The following PAH variants were observed in gnomAD, a reference collection of about 807,000 sequenced individuals.
The protein encoded by PAH is phenylalanine hydroxylase.
PAH carries 64 observed loss-of-function variants against 62.0 expected under a neutral mutation model. That is an observed-to-expected ratio of 1.03 (90% CI 0.84 to 1.27). The LOEUF is 1.27. Among genes scored for constraint, PAH ranks in the 50% most tolerant of loss-of-function variants. The probability of loss-of-function intolerance (pLI) is 0.00; values close to 1 mark genes in which losing one functional copy is unlikely to be tolerated. For missense variants in PAH, 579 were observed against 542.8 expected (o/e 1.07, Z -0.66); for synonymous variants, 195 against 196.2 (o/e 0.99, Z 0.05).
chr12:102,865,473 T>C lies in PAH; in HGVS notation c.509+1123A>G, dbSNP rs1219676049. 3.3e-5 allele frequency among the ~76,000 whole-genome samples: 5 copies of C among 152,188 alleles called. No individual in the cohort carries two copies. The East Asian group carries it at 7.7e-4, about 23-fold the overall frequency. ...ATTATTGAGGCTAAACAAAATGATATATACAAAGCATTCACCAAAGCCCCC... is the reference window on the plus strand; with the variant it reads ...ATTATTGAGGCTAAACAAAATGATACATACAAAGCATTCACCAAAGCCCCC... On this transcript the variant is annotated intron_variant, in intron 5 of 12. Coordinates refer to ENST00000553106, the MANE Select transcript of PAH (RefSeq NM_000277.3).
rs144876425 is a variant in PAH at position 102,867,953 on chromosome 12, A to C, written c.442-1290T>G. 6.2e-3 allele frequency among the ~76,000 whole-genome samples: 828 copies of C among 134,208 alleles called. 39 individuals carry two copies. Among genetic ancestry groups the C allele is most frequent in the African/African-American group, 0.023 (770 of 33,550 alleles). The allele number at this position is 134,208 out of a possible 152,430, so 88.0% of individuals were successfully genotyped here. A position where few individuals can be genotyped will look rare whatever the true frequency, so the allele number is the denominator to read the frequency against. On this transcript the variant is annotated intron_variant, in intron 4 of 12. Transcript: ENST00000553106. ...GATGTATATATACATGTATATACAT[A>C]TATAGATGTATATATACATGTATAT...
chr12:102,956,798 C>T (rs1389012170), intron 1 of PAH, among the ~76,000 whole-genome samples: 2 of 152,010 alleles, frequency 1.3e-5, no homozygotes, highest in Non-Finnish European at 2.9e-5. Context: ...ATACACCCAC[C>T]TACAGGACGG....
chr12:102,854,914 C>T (rs1875339090), intron 6 of PAH: 17 of 619,244 alleles, frequency 2.7e-5, no homozygotes, highest in Middle Eastern at 4.4e-4. Flanking sequence ...AAATCCACAG[C>T]CTCAGGTGTT....
At chr12:102,955,386 G>A (rs1879882321), upstream of PAH, among the ~76,000 whole-genome samples, 2 of 151,920 alleles carry the variant, frequency 1.3e-5, no homozygotes, top group Non-Finnish European at 2.9e-5. Context: ...GAGGCAGAGG[G>A]ACTTGTTCAA....
chr12:102,861,340 G>A (rs1875705342), intron 5 of PAH, among the ~76,000 whole-genome samples: 1 of 152,202 alleles, frequency 6.6e-6, no homozygotes, highest in Admixed American at 6.5e-5. Flanking sequence ...AACAGGTGCT[G>A]GAGAGGATAT....
intron 5 of PAH, among the ~76,000 whole-genome samples, chr12:102,860,006 C>T (rs184568773): frequency 4.6e-5 from 7 of 151,896 alleles, no homozygotes; most frequent in African/African-American, 9.7e-5. Flanking sequence ...AAGAAATAAA[C>T]GGTATTCAAT....
At chr12:102,917,875 A>C (rs1878449522), upstream of PAH, among the ~76,000 whole-genome samples, 1 of 152,214 alleles carries the variant, frequency 6.6e-6, no homozygotes. Context: ...GGAATAAAGA[A>C]ATGCATTAAA....
chr12:102,958,221 G>T, exon 1 of PAH: 1 of 1,456,362 alleles, frequency 6.9e-7, no homozygotes. Flanking sequence ...CTCTGATTCC[G>T]CGACTCCTTG....
intron 5 of PAH, among the ~76,000 whole-genome samples, chr12:102,866,314 C>A (rs1231948678): frequency 6.6e-6 from 1 of 152,162 alleles, no homozygotes; most frequent in Non-Finnish European, 1.5e-5. Context: ...ACTGCAGACA[C>A]CACTGCGTAA....
intron 8 of PAH, among the ~76,000 whole-genome samples, chr12:102,849,804 T>A (rs1272272985): frequency 6.6e-6 from 1 of 152,138 alleles, no homozygotes; most frequent in Non-Finnish European, 1.5e-5. Context: ...TTCCCTGTGC[T>A]CCAGCCCCAC....
intron 11 of PAH, among the ~76,000 whole-genome samples, chr12:102,842,818 C>T (rs1874649435): frequency 6.6e-6 from 1 of 152,194 alleles, no homozygotes; most frequent in Non-Finnish European, 1.5e-5. Context: ...TGAAAGCTAA[C>T]ATACCCAGTG....
intron 3 of PAH, among the ~76,000 whole-genome samples, chr12:102,881,881 G>C (rs528828636): frequency 2.0e-5 from 3 of 152,136 alleles, no homozygotes; most frequent in African/African-American, 7.2e-5. Flanking sequence ...AGATATGTAG[G>C]TTGTTTCCCT....
At chr12:102,935,533 T>A (rs879733034) in intron 1 of PAH, among the ~76,000 whole-genome samples, 4 of 152,080 alleles carry the variant, frequency 2.6e-5, no homozygotes, top group African/African-American at 9.7e-5. Context: ...CCAGGCCTTT[T>A]TTTGCTGGAA....
At chr12:102,889,536 A>T (rs1877190613) in intron 3 of PAH, among the ~76,000 whole-genome samples, 1 of 123,610 alleles carries the variant, frequency 8.1e-6, no homozygotes, top group Non-Finnish European at 2.0e-5. Flanking sequence ...AGATAGACGG[A>T]TAGATAGATA....
chr12:102,845,809 AG>A (rs1015819950), intron 9 of PAH, among the ~76,000 whole-genome samples: 1 of 152,208 alleles, frequency 6.6e-6, no homozygotes, highest in African/African-American at 2.4e-5. Flanking sequence ...AATTAAGGGC[AG>A]CAAGAATCCA....
intron 5 of PAH, among the ~76,000 whole-genome samples, chr12:102,855,659 C>A (rs78225356): frequency 6.6e-6 from 1 of 152,064 alleles, no homozygotes; most frequent in Admixed American, 6.6e-5. Context: ...CTTACCTGCA[C>A]GGGCCAGTCA....
intron 9 of PAH, among the ~76,000 whole-genome samples, chr12:102,846,231 T>A (rs1176451746): frequency 6.6e-6 from 1 of 152,044 alleles, no homozygotes; most frequent in Non-Finnish European, 1.5e-5. Context: ...ATGGAACGAG[T>A]TCATAAGCTT....
intron 8 of PAH, among the ~76,000 whole-genome samples, chr12:102,849,351 T>G (rs1374049631): frequency 3.3e-5 from 5 of 152,178 alleles, no homozygotes; most frequent in Non-Finnish European, 7.4e-5. Flanking sequence ...ATGTTAGAGA[T>G]GTCTTATAGA....
intron 1 of PAH, chr12:102,916,699 T>A: frequency 3.4e-6 from 1 of 295,148 alleles, no homozygotes; most frequent in Non-Finnish European, 6.6e-6. Flanking sequence ...TCTAGAAGGA[T>A]TCCACATCCC....
Sources: allele counts gnomAD v4.1 joint callset (sites outside exome capture counted in the v4.1 genomes callset), GRCh38; gene constraint gnomAD v4.1.1; transcripts MANE v1.5; gene names NCBI Gene and HGNC (gene_info 2026-07-23, HGNC 2026-07-21).